The following RALGAPA1 variants were observed in gnomAD, a reference collection of about 807,000 sequenced individuals.
The protein encoded by RALGAPA1 is Ral GTPase activating protein catalytic subunit alpha 1.
A neutral mutation model predicts 269.6 loss-of-function variants in RALGAPA1; 52 were observed. The observed-to-expected ratio is 0.19, with a 90% CI of 0.15 to 0.24. The LOEUF (loss-of-function observed/expected upper bound fraction) is 0.24, where lower values mean the gene tolerates loss of function less well. Ranked by LOEUF, RALGAPA1 falls within the 10% of genes least tolerant of loss-of-function variation. The probability of loss-of-function intolerance (pLI) is 1.00; values close to 1 mark genes in which losing one functional copy is unlikely to be tolerated. For missense variants in RALGAPA1, 1,917 were observed against 3,013.9 expected (o/e 0.64, Z 8.52); for synonymous variants, 817 against 1,008.3 (o/e 0.81, Z 3.60).
intron 1 of RALGAPA1, among the ~76,000 whole-genome samples, chr14:35,784,714 G>C (rs538691213): frequency 4.9e-4 from 75 of 152,124 alleles, no homozygotes; most frequent in African/African-American, 1.8e-3. Context: ...TTTTTCCTAA[G>C]TCTAGATATT....
At chr14:35,667,258 G>C (rs2064017134) in intron 26 of RALGAPA1, among the ~76,000 whole-genome samples, 1 of 151,978 alleles carries the variant, frequency 6.6e-6, no homozygotes, top group Non-Finnish European at 1.5e-5. Context: ...AAATTAACTG[G>C]GCATGGTGGC....
intron 26 of RALGAPA1, among the ~76,000 whole-genome samples, chr14:35,667,102 T>G (rs1334618647): frequency 6.6e-6 from 1 of 152,094 alleles, no homozygotes; most frequent in East Asian, 1.9e-4. Flanking sequence ...TCTAACTACT[T>G]TAAAAAAACT....
Position 35,721,842 on chromosome 14 carries a change from T to C in RALGAPA1, c.2112A>G (p.Gly704=). 1 of 1,612,964 alleles carries C rather than the reference T, an allele frequency of 6.2e-7. No homozygotes were observed. The highest frequency in any genetic ancestry group is 8.5e-7 in the Non-Finnish European group (1 of 1,179,030). The part of the protein sequence containing the change: ...KQKKHKGKGV[G]HEFQKVSVDK... ...CAACTGAAACTTTCTGAAATTCATG[T>C]CCAACTCCTGGAAATGTAGATTTTC... Residue 704 remains glycine (G), a synonymous_variant, in exon 16 of 42, where the codon GGA becomes GGG. Transcript: ENST00000680220.
chr14:35,743,815 A>C (rs1036156954), intron 10 of RALGAPA1, among the ~76,000 whole-genome samples: 6 of 152,198 alleles, frequency 3.9e-5, no homozygotes, highest in African/African-American at 1.4e-4. Flanking sequence ...TTTATGTATA[A>C]TCAAGTTCTA....
chr14:35,564,142 T>G lies in RALGAPA1; in HGVS notation c.7496+6475A>C, dbSNP rs1174950584. On this transcript the variant is annotated intron_variant, in intron 39 of 41. Coordinates refer to ENST00000680220, the MANE Select transcript of RALGAPA1 (RefSeq NM_001346249.2). ...TTCTGAACTCTTGCTACATGACAGATAGGTTACCTAGTGCTTCATGTGGAT... is the reference window on the plus strand; with the variant it reads ...TTCTGAACTCTTGCTACATGACAGAGAGGTTACCTAGTGCTTCATGTGGAT... Among the ~76,000 whole-genome samples, 9 of 152,326 alleles carry G rather than the reference T, an allele frequency of 5.9e-5. No individual in the cohort carries two copies. In the East Asian group the frequency reaches 1.7e-3, roughly 29 times the overall value.
chr14:35,674,174 G>T lies in RALGAPA1; in HGVS notation c.4917+6C>A. 6.3e-7 allele frequency: 1 copy of T among 1,582,918 alleles called. No individual in the cohort carries two copies. The highest frequency in any genetic ancestry group is 1.1e-5 in the South Asian group (1 of 88,882). On this transcript the variant is annotated splice_donor_region_variant and intron_variant, in intron 24 of 41. Coordinates refer to ENST00000680220, the MANE Select transcript of RALGAPA1 (RefSeq NM_001346249.2). The stretch of plus-strand genomic sequence containing the variant: ...TTTAAACTAATATTTTATATATTAA[G>T]CTTACCTTAAAAAGCCAAGGTGTAA...
At chr14:35,757,309 G>C in intron 6 of RALGAPA1, among the ~76,000 whole-genome samples, 1 of 151,588 alleles carries the variant, frequency 6.6e-6, no homozygotes, top group South Asian at 2.1e-4. Context: ...TTTAGTAGAC[G>C]GGGTTTCACC....
chr14:35,598,020 T>C (rs1458494039), intron 36 of RALGAPA1, among the ~76,000 whole-genome samples: 1 of 152,224 alleles, frequency 6.6e-6, no homozygotes, highest in Non-Finnish European at 1.5e-5. Flanking sequence ...ATATTTTACA[T>C]ATGTAGATTA....
chr14:35,648,465 CAAA>C (rs11463848), intron 31 of RALGAPA1, among the ~76,000 whole-genome samples: 3 of 122,358 alleles, frequency 2.5e-5, no homozygotes, highest in Non-Finnish European at 3.5e-5. Context: ...AACTCCATCT[CAAA>C]AAAAAAAAAA....
intron 1 of RALGAPA1, among the ~76,000 whole-genome samples, chr14:35,785,065 A>G (rs1244850397): frequency 1.3e-5 from 2 of 152,222 alleles, no homozygotes; most frequent in African/African-American, 4.8e-5. Context: ...AGTATTCTGT[A>G]TCTAATTGTA....
chr14:35,723,482 T>C, intron 14 of RALGAPA1: 1 of 371,868 alleles, frequency 2.7e-6, no homozygotes, highest in Non-Finnish European at 4.8e-6. Context: ...CACCCAGCAA[T>C]CTAAAAAGAA....
At chr14:35,733,402 G>A (rs534330534) in intron 12 of RALGAPA1, among the ~76,000 whole-genome samples, 5 of 152,204 alleles carry the variant, frequency 3.3e-5, no homozygotes, top group East Asian at 3.9e-4. Flanking sequence ...GCTTGAACCC[G>A]GGAGGTGGAG....
At chr14:35,680,059 T>C (rs2065284880) in intron 21 of RALGAPA1, among the ~76,000 whole-genome samples, 1 of 152,214 alleles carries the variant, frequency 6.6e-6, no homozygotes, top group African/African-American at 2.4e-5. Flanking sequence ...ATGAAAATTA[T>C]AACCTTAATG....
Position 35,770,901 on chromosome 14 carries a change from T to C in RALGAPA1, c.325+41A>G, listed in dbSNP as rs559914416. ...ATTAAAGAACATTTTTCATATATTA[T>C]CCTTTGTTTCAAATATGAAATACAT... On this transcript the variant is annotated intron_variant, in intron 4 of 41. Transcript: ENST00000680220. 4.3e-5 allele frequency: 33 copies of C among 770,778 alleles called. No individual in the cohort carries two copies. In the African/African-American group the frequency reaches 5.8e-4, roughly 14 times the overall value. 47.7% of individuals were successfully genotyped at this position (770,778 alleles called of 1,614,324 possible).
chr14:35,783,132 TGA>T (rs1380101736), intron 1 of RALGAPA1, among the ~76,000 whole-genome samples: 1 of 151,872 alleles, frequency 6.6e-6, no homozygotes, highest in Non-Finnish European at 1.5e-5. Flanking sequence ...GCTGGAGAAC[TGA>T]CATTGTCTCA....
chr14:35,712,219 C>T (rs2068413325), intron 16 of RALGAPA1, among the ~76,000 whole-genome samples: 1 of 148,346 alleles, frequency 6.7e-6, no homozygotes, highest in South Asian at 2.1e-4. Flanking sequence ...GGCACTCCAG[C>T]CTGGGTGACA....
chr14:35,568,923 TTA>T (rs2056937680), intron 39 of RALGAPA1, among the ~76,000 whole-genome samples: 1 of 152,224 alleles, frequency 6.6e-6, no homozygotes, highest in Admixed American at 6.5e-5. Flanking sequence ...TGTCTCCAAA[TTA>T]TACTTTTGTT....
rs927471631 is a variant in RALGAPA1, at chr14:35,783,672, G to A, written c.107-7927C>T. Among the ~76,000 whole-genome samples the A allele has an allele frequency of 2.0e-5, 3 of 152,040 alleles. No individual in the cohort carries two copies. In the South Asian group the frequency reaches 6.2e-4, roughly 32 times the overall value. On this transcript the variant is annotated intron_variant, in intron 1 of 41. Coordinates refer to ENST00000680220, the MANE Select transcript of RALGAPA1 (RefSeq NM_001346249.2). Reference sequence around the variant, plus strand: ...GAAAATATTTGCAAATTATATACCTGATTTTAAAACATTAGTCTCCAGAAT... The same window carrying A: ...GAAAATATTTGCAAATTATATACCTAATTTTAAAACATTAGTCTCCAGAAT...
chr14:35,676,724 G>C (rs781055508), intron 22 of RALGAPA1: 1 of 152,192 alleles, frequency 6.6e-6, no homozygotes, highest in Non-Finnish European at 1.5e-5. Flanking sequence ...TCTGATATTT[G>C]CAATTTCCTC....
Sources: gnomAD v4.1 joint callset for allele counts (sites outside exome capture counted in the v4.1 genomes callset) on GRCh38, gnomAD v4.1.1 for gene constraint, MANE v1.5 for transcripts, NCBI Gene and HGNC (gene_info 2026-07-23, HGNC 2026-07-21) for gene names.